PRMT8: variants seen among roughly 807,000 people sequenced by gnomAD.
PRMT8 encodes protein arginine N-methyltransferase 8.
A neutral mutation model predicts 47.1 loss-of-function variants in PRMT8; 7 were observed. That is an observed-to-expected ratio of 0.15 (90% confidence interval 0.08 to 0.28). PRMT8 has a LOEUF of 0.28. Among genes scored for constraint, PRMT8 ranks in the 10% least tolerant of loss-of-function variants. The pLI, the probability that PRMT8 is intolerant of heterozygous loss-of-function variation, is 1.00. For synonymous variants in PRMT8, 188 were observed against 186.5 expected, an observed-to-expected ratio of 1.01 and a Z score of -0.07; for missense variants, 237 against 505.4, an observed-to-expected ratio of 0.47 and a Z score of 5.09.
At chr12:3,399,302 G>A (rs983144874) in intron 1 of PRMT8, among the ~76,000 whole-genome samples, 3 of 152,292 alleles carry the variant, frequency 2.0e-5, no homozygotes, top group Non-Finnish European at 2.9e-5. Context: ...CAAAGTTGGC[G>A]ACTGGGGAGC....
In PRMT8 at chr12:3,583,314, T is replaced by TCACC; in HGVS notation, c.979+106_979+107insCACC. 7.7e-7 allele frequency: 1 copy of TCACC among 1,300,180 alleles called. No homozygotes were observed. The highest frequency in any genetic ancestry group is 1.0e-6 in the Non-Finnish European group (1 of 954,978). The allele number at this position is 1,300,180 out of a possible 1,614,324, so 80.5% of individuals were successfully genotyped here. On this transcript the variant is annotated intron_variant, in intron 8 of 9. Coordinates refer to ENST00000382622, the MANE Select transcript of PRMT8 (RefSeq NM_019854.5). The surrounding 1 kb of genome is among the most constrained non-coding windows in gnomAD (Gnocchi z 4.7). ...TGACTTGGGGAGAAGGGGCTGGGTG[T>TCACC]TAGCTGGGTGACACCTATCAACCCT...
At chr12:3,435,001 C>T (rs1864723072) in intron 1 of PRMT8, among the ~76,000 whole-genome samples, 1 of 141,966 alleles carries the variant, frequency 7.0e-6, no homozygotes, top group African/African-American at 2.7e-5. Flanking sequence ...AGGAGTCTTG[C>T]TCTGTCTCTC....
chr12:3,582,680 A>G (rs1411885812), intron 7 of PRMT8, among the ~76,000 whole-genome samples: 5 of 152,152 alleles, frequency 3.3e-5, no homozygotes, highest in Admixed American at 6.5e-5. Flanking sequence ...AGAGCGATGG[A>G]TGGAGCAGTG....
At chr12:3,582,954 G>A in intron 7 of PRMT8, 104 bp from the exon 8 acceptor site, 1 of 1,370,394 alleles carries the variant, frequency 7.3e-7, no homozygotes, top group Non-Finnish European at 1.0e-6. Flanking sequence ...ATATCCCTCA[G>A]AGAGCTGACA....
chr12:3,447,109 CAG>C (rs1204061208), intron 1 of PRMT8, among the ~76,000 whole-genome samples: 1 of 152,130 alleles, frequency 6.6e-6, no homozygotes, highest in African/African-American at 2.4e-5. Context: ...CCTCGTGAGC[CAG>C]AGACAGAACC....
chr12:3,398,144 G>C (rs1177833807), intron 1 of PRMT8, among the ~76,000 whole-genome samples: 2 of 152,202 alleles, frequency 1.3e-5, no homozygotes, highest in African/African-American at 4.8e-5. Flanking sequence ...ACCTCAGATG[G>C]AAATGCAGAA....
intron 1 of PRMT8, among the ~76,000 whole-genome samples, chr12:3,517,294 C>T (rs1437823237): frequency 6.6e-6 from 1 of 152,148 alleles, no homozygotes; most frequent in African/African-American, 2.4e-5. Context: ...CTTTGTTTCT[C>T]ACAACCTGGT....
chr12:3,385,654 A>G (rs1864131325), intron 1 of PRMT8, among the ~76,000 whole-genome samples: 2 of 152,260 alleles, frequency 1.3e-5, no homozygotes, highest in Non-Finnish European at 2.9e-5. Context: ...GGGCAAAATT[A>G]AAATATGGCA....
At chr12:3,410,110 G>A (rs1471427700) in intron 1 of PRMT8, among the ~76,000 whole-genome samples, 1 of 152,110 alleles carries the variant, frequency 6.6e-6, no homozygotes, top group Non-Finnish European at 1.5e-5. Flanking sequence ...ATTCTAATCT[G>A]TCTTCTCAGC....
intron 1 of PRMT8, among the ~76,000 whole-genome samples, chr12:3,464,408 A>G (rs950358940): frequency 3.3e-5 from 5 of 152,196 alleles, no homozygotes; most frequent in East Asian, 1.9e-4. Flanking sequence ...TCAACTTGCT[A>G]TATAATTTGA....
At chr12:3,475,613 G>T (rs1392513605) in intron 1 of PRMT8, among the ~76,000 whole-genome samples, 2 of 152,230 alleles carry the variant, frequency 1.3e-5, no homozygotes, top group African/African-American at 4.8e-5. Flanking sequence ...TGAGTTGTTA[G>T]ACATCACTGG....
At chr12:3,485,190 C>T (rs1309688328) in intron 1 of PRMT8, among the ~76,000 whole-genome samples, 3 of 152,176 alleles carry the variant, frequency 2.0e-5, no homozygotes, top group Admixed American at 6.5e-5. Context: ...CTGTAAAGAC[C>T]TCTCGGAAAG....
rs887597097 is a variant in PRMT8 at position 3,493,915 on chromosome 12, C to T, written c.75+2215C>T. Among the ~76,000 whole-genome samples the T allele has an allele frequency of 6.6e-6, 1 of 152,238 alleles. No homozygotes were observed. The highest frequency in any genetic ancestry group is 2.1e-4 in the South Asian group (1 of 4,834). On this transcript the variant is annotated intron_variant, in intron 1 of 9. Coordinates refer to ENST00000382622, the MANE Select transcript of PRMT8 (RefSeq NM_019854.5). This position sits in a 1 kb window ranked among gnomAD's most constrained non-coding sequence, Gnocchi z 8.2. Reference sequence around the variant, plus strand: ...TTGGCGGATCGGTTCTTAGCAACTTCCCTGGAGAAGGGGTAGAACCCAGAC... The same window carrying T: ...TTGGCGGATCGGTTCTTAGCAACTTTCCTGGAGAAGGGGTAGAACCCAGAC...
chr12:3,577,827 T>C (rs543962482), intron 7 of PRMT8, among the ~76,000 whole-genome samples: 76 of 152,286 alleles, frequency 5.0e-4, no homozygotes, highest in African/African-American at 1.8e-3. Context: ...TCAGTGCAGA[T>C]GAAGAACAGC....
At chr12:3,463,884 C>T (rs904500528) in intron 1 of PRMT8, among the ~76,000 whole-genome samples, 2 of 152,242 alleles carry the variant, frequency 1.3e-5, no homozygotes, top group African/African-American at 2.4e-5. Context: ...TGCACATCCT[C>T]ACCTACAGCA....
chr12:3,434,231 A>G (rs907818059), intron 1 of PRMT8, among the ~76,000 whole-genome samples: 1 of 152,188 alleles, frequency 6.6e-6, no homozygotes, highest in African/African-American at 2.4e-5. Flanking sequence ...TAGCCCAGAC[A>G]GGAGAAGGCT....
chr12:3,472,301 C>T (rs1026339458), intron 1 of PRMT8, among the ~76,000 whole-genome samples: 1 of 152,230 alleles, frequency 6.6e-6, no homozygotes, highest in Non-Finnish European at 1.5e-5. Flanking sequence ...TTATGCTAAA[C>T]TTTACATTTC....
chr12:3,443,830 C>T (rs149351550), intron 1 of PRMT8, among the ~76,000 whole-genome samples: 89 of 152,328 alleles, frequency 5.8e-4, no homozygotes, highest in African/African-American at 2.0e-3. Flanking sequence ...ACCCCTGGAC[C>T]CCATATGGTT....
At chr12:3,519,160 C>T (rs768363881) in intron 1 of PRMT8, among the ~76,000 whole-genome samples, 4 of 151,522 alleles carry the variant, frequency 2.6e-5, no homozygotes, top group East Asian at 3.9e-4. Flanking sequence ...GGGCCCAGCA[C>T]GGCTCAGCTC....
Sources: allele counts gnomAD v4.1 joint callset (sites outside exome capture counted in the v4.1 genomes callset), GRCh38; gene constraint gnomAD v4.1.1; non-coding constraint Gnocchi (gnomAD v3.1); transcripts MANE v1.5; gene names NCBI Gene and HGNC (gene_info 2026-07-23, HGNC 2026-07-21).